Variants in MMP16 observed in about 807,000 individuals in gnomAD.
MMP16 encodes matrix metallopeptidase 16.
Under a neutral mutation model 67.8 loss-of-function variants are expected in MMP16, and 12 were observed. The observed-to-expected ratio is 0.18, with a 90% CI of 0.11 to 0.29. The LOEUF (loss-of-function observed/expected upper bound fraction) is 0.29, where lower values mean the gene tolerates loss of function less well. Among genes scored for constraint, MMP16 ranks in the 10% least tolerant of loss-of-function variants. The pLI is 1.00. For missense variants in MMP16, 475 were observed against 765.7 expected, an observed-to-expected ratio of 0.62 and a Z score of 4.48; for synonymous variants, 249 against 255.9, an observed-to-expected ratio of 0.97 and a Z score of 0.26.
intron 4 of MMP16, among the ~76,000 whole-genome samples, chr8:88,128,966 G>C (rs1384982884): frequency 6.6e-6 from 1 of 151,788 alleles, no homozygotes; most frequent in Non-Finnish European, 1.5e-5. Flanking sequence ...GACTAGAATA[G>C]AGACCCTCAC....
chr8:88,102,152 G>T (rs1003135856), intron 6 of MMP16, among the ~76,000 whole-genome samples: 2 of 151,924 alleles, frequency 1.3e-5, no homozygotes, highest in East Asian at 3.9e-4. Flanking sequence ...GATCAATTCT[G>T]CAGTGGATAT....
intron 6 of MMP16, among the ~76,000 whole-genome samples, chr8:88,084,733 T>C (rs1309956510): frequency 6.6e-6 from 1 of 152,050 alleles, no homozygotes; most frequent in Non-Finnish European, 1.5e-5. Flanking sequence ...CTTTTCTGTA[T>C]TTGTGAAAAA....
At chr8:88,275,647 G>C (rs753724203) in intron 1 of MMP16, among the ~76,000 whole-genome samples, 6 of 151,786 alleles carry the variant, frequency 4.0e-5, no homozygotes, top group Middle Eastern at 3.4e-3. Context: ...ACACATAGCA[G>C]TGTTTATCTT....
intron 8 of MMP16, among the ~76,000 whole-genome samples, chr8:88,053,544 G>A (rs1413710086): frequency 6.6e-6 from 1 of 152,134 alleles, no homozygotes; most frequent in African/African-American, 2.4e-5. Flanking sequence ...GAAAACTGCT[G>A]ACATAACTTT....
At chr8:88,244,239 C>T (rs773782896) in intron 1 of MMP16, among the ~76,000 whole-genome samples, 1 of 152,068 alleles carries the variant, frequency 6.6e-6, no homozygotes, top group African/African-American at 2.4e-5. Flanking sequence ...AACCACCTTA[C>T]CTACTTCAAA....
At chr8:88,115,980 A>G (rs763858357) in intron 6 of MMP16, among the ~76,000 whole-genome samples, 1 of 152,166 alleles carries the variant, frequency 6.6e-6, no homozygotes, top group Non-Finnish European at 1.5e-5. Context: ...TATCAAAACA[A>G]TAACATTCAT....
intron 4 of MMP16, among the ~76,000 whole-genome samples, chr8:88,127,463 A>G (rs950928998): frequency 6.6e-6 from 1 of 151,852 alleles, no homozygotes; most frequent in Non-Finnish European, 1.5e-5. Context: ...GAAGTATGTG[A>G]GAGTGATATA....
chr8:88,221,706 T>C (rs1490768310), intron 1 of MMP16, among the ~76,000 whole-genome samples: 2 of 151,630 alleles, frequency 1.3e-5, no homozygotes, highest in African/African-American at 4.8e-5. Flanking sequence ...ACAATGAAAA[T>C]GCATGCAAAA....
At chr8:88,139,560 T>G (rs1329048294) in intron 4 of MMP16, among the ~76,000 whole-genome samples, 1 of 152,158 alleles carries the variant, frequency 6.6e-6, no homozygotes, top group Non-Finnish European at 1.5e-5. Context: ...TTATTGACTT[T>G]CTTTCCACAA....
At chr8:88,059,021 T>C (rs1407168713) in intron 7 of MMP16, among the ~76,000 whole-genome samples, 1 of 151,802 alleles carries the variant, frequency 6.6e-6, no homozygotes, top group East Asian at 1.9e-4. Context: ...AACAGTGTTA[T>C]TTAGTAAGAC....
At chr8:88,100,422 A>G (rs112262708) in intron 6 of MMP16, among the ~76,000 whole-genome samples, 126 of 152,136 alleles carry the variant, frequency 8.3e-4, no homozygotes, top group African/African-American at 2.9e-3. Flanking sequence ...CAAAACCACA[A>G]TGAGATACCA....
At chr8:88,294,148 A>G (rs971155402) in intron 1 of MMP16, among the ~76,000 whole-genome samples, 3 of 151,228 alleles carry the variant, frequency 2.0e-5, no homozygotes, top group Non-Finnish European at 2.9e-5. Flanking sequence ...ATAGTTATAT[A>G]TGTCTATACA....
intron 1 of MMP16, among the ~76,000 whole-genome samples, chr8:88,319,298 T>C (rs1811422637): frequency 6.6e-6 from 1 of 152,164 alleles, no homozygotes; most frequent in African/African-American, 2.4e-5. Flanking sequence ...AGTATACATT[T>C]GTTTCTCTAA....
intron 1 of MMP16, among the ~76,000 whole-genome samples, chr8:88,289,133 CAG>C (rs149638416): frequency 4.5e-4 from 67 of 148,416 alleles, no homozygotes; most frequent in Non-Finnish European, 4.0e-4. Context: ...GAGACAGAGA[CAG>C]AGAGAGAGAG....
intron 8 of MMP16, among the ~76,000 whole-genome samples, chr8:88,048,299 C>A (rs1808224211): frequency 1.3e-5 from 2 of 152,160 alleles, no homozygotes. Flanking sequence ...AGACTCTCAT[C>A]CCTTCACAGG....
At chr8:88,121,025 T>C (rs2118442902) in intron 4 of MMP16, among the ~76,000 whole-genome samples, 1 of 151,404 alleles carries the variant, frequency 6.6e-6, no homozygotes, top group African/African-American at 2.4e-5. Context: ...GCTGAATTAT[T>C]AAAGGTACTT....
At chr8:88,211,628 C>T (rs1043112858) in intron 1 of MMP16, among the ~76,000 whole-genome samples, 2 of 152,092 alleles carry the variant, frequency 1.3e-5, no homozygotes, top group African/African-American at 4.8e-5. Context: ...AAAAAAGTTC[C>T]TCTGCCTCCT....
intron 2 of MMP16, among the ~76,000 whole-genome samples, chr8:88,190,922 C>G (rs1809160676): frequency 6.6e-6 from 1 of 152,012 alleles, no homozygotes; most frequent in Admixed American, 6.6e-5. Context: ...TCTTGACTGA[C>G]TCATTTGTGA....
chr8:88,190,460 C>CA (rs1286716231), intron 2 of MMP16, among the ~76,000 whole-genome samples: 1 of 152,110 alleles, frequency 6.6e-6, no homozygotes, highest in Non-Finnish European at 1.5e-5. Context: ...AAAGAATGCT[C>CA]AGTGTTTAAC....
Sources: gnomAD v4.1 joint callset for allele counts (sites outside exome capture counted in the v4.1 genomes callset) on GRCh38, gnomAD v4.1.1 for gene constraint, MANE v1.5 for transcripts, NCBI Gene and HGNC (gene_info 2026-07-23, HGNC 2026-07-21) for gene names.